SF3B2: variants seen among roughly 807,000 people sequenced by gnomAD.
SF3B2 encodes the protein splicing factor 3b subunit 2, also known as SAP 145.
A neutral mutation model predicts 116.3 loss-of-function variants in SF3B2; 22 were observed. The observed-to-expected ratio is 0.19, with a 90% CI of 0.14 to 0.27. The LOEUF (loss-of-function observed/expected upper bound fraction) is 0.27. Ranked by LOEUF, SF3B2 falls within the 10% of genes least tolerant of loss-of-function variation. The pLI is 1.00. For synonymous variants in SF3B2, 406 were observed against 421.6 expected, an observed-to-expected ratio of 0.96 and a Z score of 0.45; for missense variants, 767 against 1,151.4, an observed-to-expected ratio of 0.67 and a Z score of 4.83.
At position 66,058,736 on chromosome 11, in the gene SF3B2, A is replaced by C; in HGVS notation, c.967-94A>C. Reference sequence around the variant, plus strand: ...CTCCTTGGGAAAAGCCTGACTGTTGAACTGTGGGGGAGAATGGGGGAGGAG... The same window carrying C: ...CTCCTTGGGAAAAGCCTGACTGTTGCACTGTGGGGGAGAATGGGGGAGGAG... On this transcript the variant is annotated intron_variant, in intron 9 of 21. Coordinates refer to ENST00000322535, the MANE Select transcript of SF3B2 (RefSeq NM_006842.3). 2.7e-6 allele frequency: 3 copies of C among 1,092,232 alleles called. 1 individual carries two copies. In the South Asian group the frequency reaches 4.6e-5, roughly 17 times the overall value. The allele number at this position is 1,092,232 out of a possible 1,614,324, so 67.7% of individuals were successfully genotyped here.
At chr11:66,055,505 T>C in intron 4 of SF3B2, 30 bp from the exon 5 acceptor site, 1 of 1,613,682 alleles carries the variant, frequency 6.2e-7, no homozygotes, top group African/African-American at 1.3e-5. Flanking sequence ...TGGGTATTGG[T>C]GCTGGTATGA....
chr11:66,060,486 G>T, intron 13 of SF3B2, 96 bp from the exon 14 acceptor site: 1 of 1,434,316 alleles, frequency 7.0e-7, no homozygotes, highest in Non-Finnish European at 9.6e-7. Context: ...TGAGATAATT[G>T]AGGCTTCCCA....
rs763041919 is a variant in SF3B2 at position 66,058,908 on chromosome 11, G to T, written c.1045G>T (p.Asp349Tyr). 1.2e-6 allele frequency: 2 copies of T among 1,614,112 alleles called. No homozygotes were observed. Among genetic ancestry groups the T allele is most frequent in the South Asian group, 2.2e-5 (2 of 91,064 alleles). The change falls in exon 10 of 22, where the codon GAC becomes TAC. Residue 349 changes from aspartate to tyrosine, a missense_variant. Physicochemically the swap from Asp to Tyr is radical, Grantham distance 160. Transcript: ENST00000322535. The stretch of plus-strand genomic sequence containing the variant: ...AGGGGTGTCCTCTGAGAGCTCTGGG[G>T]ACCGGGAGAAAGACTCAACCCGGTC... ...VRGVSSESSG[D>Y]REKDSTRSRG...
chr11:66,060,099 A>C (rs1857075901), intron 13 of SF3B2, 90 bp downstream of exon 13: 1 of 1,069,358 alleles, frequency 9.4e-7, no homozygotes, highest in Non-Finnish European at 1.4e-6. Context: ...TTTGAAACCC[A>C]CCTACCACCT....
intron 2 of SF3B2, 131 bp from the exon 3 acceptor site, chr11:66,052,896 G>T: frequency 1.6e-6 from 2 of 1,217,644 alleles, no homozygotes; most frequent in Admixed American, 3.6e-5. Flanking sequence ...ATCCATCTTG[G>T]TCCTCTTCAG....
intron 18 of SF3B2, 21 bp downstream of exon 18, chr11:66,063,563 C>G: frequency 6.2e-7 from 1 of 1,611,658 alleles, no homozygotes; most frequent in South Asian, 1.1e-5. Context: ...CAGAGAATGC[C>G]TCTTGGAAGT....
intron 7 of SF3B2, 59 bp from the exon 8 acceptor site, chr11:66,057,995 G>C: frequency 2.0e-6 from 2 of 994,288 alleles, no homozygotes. Context: ...AAGAAAGAAA[G>C]AAAAAAAAAA....
chr11:66,057,942 A>G, intron 7 of SF3B2, 112 bp from the exon 8 acceptor site: 1 of 811,386 alleles, frequency 1.2e-6, no homozygotes, highest in Admixed American at 2.9e-5. Context: ...ATTGCACTCC[A>G]GCCTGGGCAA....
intron 3 of SF3B2, 138 bp from the exon 4 acceptor site, chr11:66,054,938 A>T: frequency 1.3e-6 from 1 of 771,856 alleles, no homozygotes; most frequent in Non-Finnish European, 2.0e-6. Flanking sequence ...AGAGCTGTGG[A>T]GCATTCTCTC....
intron 5 of SF3B2, among the ~76,000 whole-genome samples, chr11:66,056,423 C>G (rs1370758344): frequency 7.3e-6 from 1 of 136,628 alleles, no homozygotes; most frequent in East Asian, 2.1e-4. Context: ...AAAAAAAAAG[C>G]CACAAGTCTG....
rs766961816 is a variant in SF3B2 at position 66,059,183 on chromosome 11, C to G, written c.1183-18C>G. 6.2e-6 allele frequency: 10 copies of G among 1,614,000 alleles called. No individual in the cohort carries two copies. The highest frequency in any genetic ancestry group is 5.9e-6 in the Non-Finnish European group (7 of 1,179,994). On this transcript the variant is annotated intron_variant, in intron 10 of 21. Transcript: ENST00000322535. This position sits in a 1 kb window ranked among gnomAD's most constrained non-coding sequence, Gnocchi z 5.0. ...AGGGGCTCAGAGGGCAGGGGTTTCACCTTGTCTGCCTCCTTAGCTCACTGA... is the reference window on the plus strand; with the variant it reads ...AGGGGCTCAGAGGGCAGGGGTTTCAGCTTGTCTGCCTCCTTAGCTCACTGA...
At position 66,068,887 on chromosome 11, in the gene SF3B2, A is replaced by G. The variant is rs1857240779; in HGVS notation, c.*142A>G. The G allele has an allele frequency of 1.0e-5, 7 of 683,820 alleles. No homozygotes were observed. Among genetic ancestry groups the G allele is most frequent in the South Asian group, 5.5e-5 (3 of 54,188 alleles). The allele number at this position is 683,820 out of a possible 1,614,324, so 42.4% of individuals were successfully genotyped here. On this transcript the variant is annotated 3_prime_UTR_variant, in exon 22 of 22. Transcript: ENST00000322535. The stretch of plus-strand genomic sequence containing the variant: ...GTTTTGTAAATAAAGCTGTTTCCCA[A>G]GGAAAGAGATGAATATTTAACACTC...
At chr11:66,066,300 A>AT (rs907866402) in intron 19 of SF3B2, 3 of 150,924 alleles carry the variant, frequency 2.0e-5, no homozygotes, top group African/African-American at 2.4e-5. Context: ...ACGCCTGGTA[A>AT]TTTTTTTTTC....
Position 66,068,781 on chromosome 11 carries a change from C to G in SF3B2, c.*36C>G. On this transcript the variant is annotated 3_prime_UTR_variant, in exon 22 of 22. Transcript: ENST00000322535. ...ACTAGCCCTTTTTTTGGCCCTACGT[C>G]TGGATGCCTGGGCTTCACACAAGAA... The G allele has an allele frequency of 6.5e-7, 1 of 1,531,670 alleles. No homozygotes were observed. Among genetic ancestry groups the G allele is most frequent in the Non-Finnish European group, 9.0e-7 (1 of 1,106,766 alleles). 94.9% of individuals were successfully genotyped at this position (1,531,670 alleles called of 1,614,324 possible). A position where few individuals can be genotyped will look rare whatever the true frequency, so the allele number is the denominator to read the frequency against.
At position 66,058,341 on chromosome 11, in the gene SF3B2, G is replaced by A. The variant is rs1364459208; in HGVS notation, c.902G>A (p.Arg301His). 4.3e-6 allele frequency: 7 copies of A among 1,613,988 alleles called. No individual in the cohort carries two copies. Among genetic ancestry groups the A allele is most frequent in the Admixed American group, 1.7e-5 (1 of 60,006 alleles). ...GAAGAGGAAATGGAAACAGATGCTC[G>A]CTCGTCCCTGGGCCAGTCAGCGTCA... ...QEEEEMETDA[R>H]SSLGQSASET... is the part of the protein sequence containing the mutation. The change falls in exon 9 of 22, where the codon CGC becomes CAC. Residue 301 changes from arginine to histidine, a missense_variant. Coordinates refer to ENST00000322535, the MANE Select transcript of SF3B2 (RefSeq NM_006842.3).
rs200458765 is a variant in SF3B2, at chr11:66,063,086, C to T, written c.2055C>T (p.Asp685=). 1.7e-5 allele frequency: 27 copies of T among 1,613,782 alleles called. No homozygotes were observed. In the Middle Eastern group the frequency reaches 8.2e-4, roughly 49 times the overall value. Residue 685 remains aspartate (D), a synonymous_variant, in exon 17 of 22, where the codon GAC becomes GAT. Transcript: ENST00000322535. ...AGACTGGGAAACCGCTCTATGGGGA[C>T]GTGTTTGGAACCAATGCTGCTGAAT... ...VDETGKPLYG[D]VFGTNAAEFQ...
chr11:66,068,444 G>A, intron 21 of SF3B2, 111 bp downstream of exon 21: 1 of 1,138,388 alleles, frequency 8.8e-7, no homozygotes, highest in Non-Finnish European at 1.2e-6. Flanking sequence ...TCTGCTTGCT[G>A]CTCTGTGCTT....
chr11:66,056,770 T>C (rs942998945), intron 5 of SF3B2, 68 bp from the exon 6 acceptor site: 9 of 1,181,732 alleles, frequency 7.6e-6, no homozygotes, highest in African/African-American at 6.0e-5. Flanking sequence ...GCTGAAAGAA[T>C]GCATTTGCCA....
At chr11:66,055,001 A>C (rs1856965645) in intron 3 of SF3B2, 75 bp from the exon 4 acceptor site, 3 of 1,429,326 alleles carry the variant, frequency 2.1e-6, no homozygotes, top group Non-Finnish European at 2.8e-6. Flanking sequence ...CTCCTGACTC[A>C]AAGTAGATCC....
Sources: allele counts gnomAD v4.1 joint callset (sites outside exome capture counted in the v4.1 genomes callset), GRCh38; gene constraint gnomAD v4.1.1; non-coding constraint Gnocchi (gnomAD v3.1); transcripts MANE v1.5; gene names NCBI Gene and HGNC (gene_info 2026-07-23, HGNC 2026-07-21).